CALD1: variants seen among roughly 807,000 people sequenced by gnomAD.
CALD1 encodes caldesmon 1, also known as caldesmon.
In CALD1, 33 loss-of-function variants were observed where a neutral mutation model predicts 99.9. That is an observed-to-expected ratio of 0.33 (90% CI 0.25 to 0.44). CALD1 has a LOEUF of 0.44. CALD1 is among the 20% of genes least tolerant of loss of function. CALD1 has a pLI of 1.00. For missense variants in CALD1, 861 were observed against 962.1 expected (o/e 0.89, Z 1.39); for synonymous variants, 310 against 325.0 (o/e 0.95, Z 0.50).
rs1805702632 is a variant in CALD1 at position 134,933,502 on chromosome 7, G to A, written c.733G>A (p.Glu245Lys). ...AGAGCCTAAACAAGAGGAGGAGAGG[G>A]AACAAGGTTCAGATGAGATTTCCCA... ...SEEPKQEEER[E>K]QGSDEISHHE... Residue 245 changes from glutamate to lysine, a missense_variant, in exon 5 of 15, where the codon GAA (glutamate) becomes AAA (lysine). Physicochemically the swap from Glu to Lys is moderately conservative, Grantham distance 56. Transcript: ENST00000361675. 4 of 1,613,668 alleles carry A rather than the reference G, an allele frequency of 2.5e-6. No homozygotes were observed. Among genetic ancestry groups the A allele is most frequent in the Non-Finnish European group, 3.4e-6 (4 of 1,179,934 alleles).
intron 7 of CALD1, among the ~76,000 whole-genome samples, chr7:134,943,815 A>C: frequency 6.6e-6 from 1 of 152,240 alleles, no homozygotes; most frequent in East Asian, 1.9e-4. Flanking sequence ...GTATACTTAT[A>C]ATTTTACATT....
At chr7:134,958,458 T>A (rs951844695) in intron 11 of CALD1, among the ~76,000 whole-genome samples, 168 bp downstream of exon 11, 6 of 148,856 alleles carry the variant, frequency 4.0e-5, no homozygotes, top group African/African-American at 1.5e-4. Context: ...TTGCCCAGGC[T>A]GGAGTGCAAT....
chr7:134,787,996 C>T (rs1209647769), intron 1 of CALD1, among the ~76,000 whole-genome samples: 1 of 152,144 alleles, frequency 6.6e-6, no homozygotes, highest in Non-Finnish European at 1.5e-5. Context: ...ACCATCTGGA[C>T]TCAGTCTCCT....
At chr7:134,926,575 C>A (rs888872701) in intron 3 of CALD1, among the ~76,000 whole-genome samples, 1 of 152,114 alleles carries the variant, frequency 6.6e-6, no homozygotes, top group Admixed American at 6.5e-5. Flanking sequence ...TTATGAGATA[C>A]CTCAGTGAAA....
At position 134,878,889 on chromosome 7, in the gene CALD1, G is replaced by A. The variant is rs574356124; in HGVS notation, c.71+11085G>A. On this transcript the variant is annotated intron_variant, in intron 3 of 14. Transcript: ENST00000361675. ...AGGCTGAGGTGGGAGGATTACTTGA[G>A]CCTGGGAGTTCAAGGCTGCAGTCAG... 4.6e-5 allele frequency among the ~76,000 whole-genome samples: 7 copies of A among 152,216 alleles called. No individual in the cohort carries two copies. In the South Asian group the frequency reaches 1.2e-3, roughly 27 times the overall value.
chr7:134,885,081 C>CA (rs1005700543), intron 3 of CALD1, among the ~76,000 whole-genome samples: 5 of 151,994 alleles, frequency 3.3e-5, no homozygotes, highest in Non-Finnish European at 7.4e-5. Context: ...TACAGGCGCA[C>CA]ACCACCATGC....
chr7:134,848,097 G>GT (rs1554441646), intron 2 of CALD1, among the ~76,000 whole-genome samples: 3 of 143,268 alleles, frequency 2.1e-5, no homozygotes, highest in Non-Finnish European at 3.1e-5. Flanking sequence ...ACAGTCTGGG[G>GT]AAAAAAAAAA....
At chr7:134,711,660 C>CTCTCTCTCTCTCTATATATA in the CALD1 span, among the ~76,000 whole-genome samples, 3 of 78,348 alleles carry the variant, frequency 3.8e-5, no homozygotes, top group African/African-American at 1.9e-4. Flanking sequence ...CTCTCTCTCT[C>CTCTCTCTCTCTCTATATATA]TATATATATA....
chr7:134,807,482 C>A (rs566878537), intron 1 of CALD1, among the ~76,000 whole-genome samples: 2 of 152,346 alleles, frequency 1.3e-5, no homozygotes, highest in East Asian at 3.9e-4. Context: ...CCTCACCCCA[C>A]TCCCCCAGGC....
At chr7:134,840,511 A>G (rs1419493572) in intron 1 of CALD1, among the ~76,000 whole-genome samples, 1 of 152,186 alleles carries the variant, frequency 6.6e-6, no homozygotes, top group African/African-American at 2.4e-5. Flanking sequence ...GTTTCTAGTT[A>G]TTCTCAATGA....
At chr7:134,887,506 C>T (rs918540764) in intron 3 of CALD1, among the ~76,000 whole-genome samples, 1 of 152,192 alleles carries the variant, frequency 6.6e-6, no homozygotes, top group African/African-American at 2.4e-5. Flanking sequence ...ACTACTCGAA[C>T]TGTTGCCTCC....
chr7:134,946,030 T>C (rs943802809), intron 7 of CALD1, among the ~76,000 whole-genome samples: 2 of 152,130 alleles, frequency 1.3e-5, no homozygotes, highest in Non-Finnish European at 2.9e-5. Context: ...TCCTGATCCA[T>C]TACTCCAGGC....
intron 3 of CALD1, among the ~76,000 whole-genome samples, chr7:134,874,053 A>T (rs1801230299): frequency 6.6e-6 from 1 of 152,208 alleles, no homozygotes. Context: ...AGTGACTGTG[A>T]TCGGTAACAG....
At chr7:134,912,000 T>C (rs1030061728) in intron 3 of CALD1, among the ~76,000 whole-genome samples, 4 of 151,988 alleles carry the variant, frequency 2.6e-5, no homozygotes, top group African/African-American at 9.7e-5. Context: ...TGAGCTGACA[T>C]TGATGGACAG....
chr7:134,907,053 C>T (rs976295424), intron 3 of CALD1, among the ~76,000 whole-genome samples: 2 of 152,068 alleles, frequency 1.3e-5, no homozygotes, highest in Admixed American at 6.6e-5. Flanking sequence ...ACTATAACTA[C>T]GAAGATCAAA....
intron 1 of CALD1, among the ~76,000 whole-genome samples, chr7:134,751,192 A>G (rs1234245727): frequency 3.3e-5 from 5 of 152,118 alleles, no homozygotes; most frequent in African/African-American, 1.2e-4. Context: ...ATTTTTCTCC[A>G]TCTGTGAAAT....
upstream of CALD1, among the ~76,000 whole-genome samples, chr7:134,775,753 T>C (rs1299569003): frequency 6.6e-6 from 1 of 152,190 alleles, no homozygotes; most frequent in African/African-American, 2.4e-5. Flanking sequence ...ATGGATTACT[T>C]TGAGGAGAAT....
chr7:134,823,315 T>C (rs1452913), intron 1 of CALD1, among the ~76,000 whole-genome samples: 51,170 of 151,922 alleles, frequency 0.34, 9,543 homozygotes, highest in East Asian at 0.67. Flanking sequence ...GAATTCAGCC[T>C]GTTAGATGAC....
At chr7:134,764,101 T>C (rs1050724502) in intron 1 of CALD1, among the ~76,000 whole-genome samples, 2 of 152,112 alleles carry the variant, frequency 1.3e-5, no homozygotes, top group Non-Finnish European at 2.9e-5. Flanking sequence ...CTGTGTGTGG[T>C]ATGCCTGGCA....
Sources: gnomAD v4.1 joint callset for allele counts (sites outside exome capture counted in the v4.1 genomes callset) on GRCh38, gnomAD v4.1.1 for gene constraint, MANE v1.5 for transcripts, NCBI Gene and HGNC (gene_info 2026-07-23, HGNC 2026-07-21) for gene names.